PCDHGA3: variants seen among roughly 807,000 people sequenced by gnomAD.
PCDHGA3 encodes the protein protocadherin gamma-A3.
Under a neutral mutation model 58.5 loss-of-function variants are expected in PCDHGA3, and 40 were observed. The observed-to-expected ratio is 0.68, with a 90% CI of 0.53 to 0.89. PCDHGA3 has a LOEUF of 0.89. Ranked by LOEUF, PCDHGA3 falls within the 40% of genes least tolerant of loss-of-function variation. PCDHGA3 has a pLI of 0.00. For missense variants in PCDHGA3, 1,223 were observed against 1,195.9 expected (o/e 1.02, Z -0.33); for synonymous variants, 530 against 525.7 (o/e 1.01, Z -0.11).
At chr5:141,358,884 G>A (rs961371418) in intron 1 of PCDHGA3, among the ~76,000 whole-genome samples, 5 of 152,090 alleles carry the variant, frequency 3.3e-5, no homozygotes, top group Admixed American at 3.3e-4. Flanking sequence ...TGTGGCTCTG[G>A]GATTATTTTA....
intron 1 of PCDHGA3, chr5:141,411,661 C>T (rs2095505180): frequency 6.6e-6 from 1 of 150,762 alleles, no homozygotes; most frequent in African/African-American, 2.4e-5. Context: ...GGTGGAGAAT[C>T]TCTTGAGCGC....
chr5:141,431,678 T>G lies in PCDHGA3; in HGVS notation c.2425-63129T>G. The G allele has an allele frequency of 6.2e-7, 1 of 1,614,084 alleles. No homozygotes were observed. Among genetic ancestry groups the G allele is most frequent in the Non-Finnish European group, 8.5e-7 (1 of 1,180,022 alleles). On this transcript the variant is annotated intron_variant, in intron 1 of 3. Transcript: ENST00000253812. This position sits in a 1 kb window ranked among gnomAD's most constrained non-coding sequence, Gnocchi z 4.8. ...AGGGACAATATCAACAATAGGGGAGTTGGACCACGAGGAGTCAGGATTCTA... is the reference window on the plus strand; with the variant it reads ...AGGGACAATATCAACAATAGGGGAGGTGGACCACGAGGAGTCAGGATTCTA...
intron 1 of PCDHGA3, among the ~76,000 whole-genome samples, chr5:141,433,805 C>T (rs1325364387): frequency 1.3e-5 from 2 of 150,004 alleles, no homozygotes; most frequent in South Asian, 4.2e-4. Flanking sequence ...CCATTGCACT[C>T]CAGCCTGGGC....
chr5:141,384,238 G>C, intron 1 of PCDHGA3: 2 of 1,613,838 alleles, frequency 1.2e-6, no homozygotes, highest in Admixed American at 1.7e-5. Flanking sequence ...AGACACCAAC[G>C]ATAACCCACC....
At chr5:141,441,499 GCCT>G (rs1350774469) in intron 1 of PCDHGA3, 5 of 169,932 alleles carry the variant, frequency 2.9e-5, no homozygotes, top group African/African-American at 1.2e-4. Context: ...TTTCTACCAG[GCCT>G]CCTACGTCGT....
Position 141,486,271 on chromosome 5 carries a change from C to G in PCDHGA3, c.2425-8536C>G, listed in dbSNP as rs143039217. ...CCCTCCCCGAGAGTGCAGAACCTGG[C>G]ACTGTGGTGGCACTTATCAGTGTGC... On this transcript the variant is annotated intron_variant, in intron 1 of 3. Coordinates refer to ENST00000253812, the MANE Select transcript of PCDHGA3 (RefSeq NM_018916.4). The surrounding 1 kb of genome is among the most constrained non-coding windows in gnomAD (Gnocchi z 5.0). 6.2e-7 allele frequency: 1 copy of G among 1,613,968 alleles called. No homozygotes were observed. Among genetic ancestry groups the G allele is most frequent in the African/African-American group, 1.3e-5 (1 of 74,902 alleles).
intron 1 of PCDHGA3, among the ~76,000 whole-genome samples, chr5:141,406,535 G>A (rs2094820779): frequency 6.6e-6 from 1 of 152,168 alleles, no homozygotes; most frequent in South Asian, 2.1e-4. Context: ...TTCTGACGAA[G>A]ATTCAAACTT....
rs749645155 is a variant in PCDHGA3 at position 141,414,214 on chromosome 5, A to G, written c.2424+67757A>G. On this transcript the variant is annotated intron_variant, in intron 1 of 3. Transcript: ENST00000253812. ...GATTACAGTAGAAGATGTAAATGAC[A>G]ACAGTCCAGAGCTGACCATCACGTC... 6.2e-6 allele frequency: 10 copies of G among 1,613,126 alleles called. No homozygotes were observed. The South Asian group carries it at 9.9e-5, about 16-fold the overall frequency.
chr5:141,423,904 G>A, intron 1 of PCDHGA3: 2 of 1,275,052 alleles, frequency 1.6e-6, no homozygotes, highest in Middle Eastern at 3.1e-4. Flanking sequence ...TGATTTCAAA[G>A]GGGCCATTCA....
chr5:141,410,185 T>A lies in PCDHGA3; in HGVS notation c.2424+63728T>A, dbSNP rs373680185. 10 of 1,613,812 alleles carry A rather than the reference T, an allele frequency of 6.2e-6. No individual in the cohort carries two copies. The African/African-American group carries it at 1.3e-4, about 22-fold the overall frequency. On this transcript the variant is annotated intron_variant, in intron 1 of 3. Transcript: ENST00000253812. ...CACTCTCTGCCACCGCCACGCTTCA[T>A]CTGGTCTTCGCAGACAACTTGCAAG...
chr5:141,352,503 A>T, intron 1 of PCDHGA3: 1 of 1,613,992 alleles, frequency 6.2e-7, no homozygotes, highest in South Asian at 1.1e-5. Context: ...CCCTATTCCT[A>T]CAATCTATGT....
chr5:141,485,726 C>G lies in PCDHGA3; in HGVS notation c.2425-9081C>G. On this transcript the variant is annotated intron_variant, in intron 1 of 3. Transcript: ENST00000253812. The surrounding 1 kb of genome is among the most constrained non-coding windows in gnomAD (Gnocchi z 5.7). ...ACACTTTGCACTGGATGTGAAGAAG[C>G]GCAGCGACGGCAGCCTGGTCCCAGA... 2 of 1,614,140 alleles carry G rather than the reference C, an allele frequency of 1.2e-6. No individual in the cohort carries two copies. The highest frequency in any genetic ancestry group is 1.1e-5 in the South Asian group (1 of 91,082).
intron 1 of PCDHGA3, among the ~76,000 whole-genome samples, chr5:141,481,886 C>T (rs575190135): frequency 6.9e-6 from 1 of 145,360 alleles, no homozygotes; most frequent in South Asian, 2.2e-4. Context: ...TGCACTCCAG[C>T]CTGGGTGAAA....
At chr5:141,459,603 A>G (rs867387156) in intron 1 of PCDHGA3, among the ~76,000 whole-genome samples, 1 of 152,244 alleles carries the variant, frequency 6.6e-6, no homozygotes, top group Non-Finnish European at 1.5e-5. Flanking sequence ...AATGGGAAGT[A>G]TATGCTTAAC....
intron 1 of PCDHGA3, chr5:141,351,581 A>G (rs1327438256): frequency 1.2e-6 from 2 of 1,614,024 alleles, no homozygotes; most frequent in Admixed American, 1.7e-5. Context: ...CATCTCCGAC[A>G]TCAACGACAA....
chr5:141,442,227 T>G (rs953690152), intron 1 of PCDHGA3: 16 of 153,240 alleles, frequency 1.0e-4, no homozygotes, highest in African/African-American at 3.6e-4. Context: ...TTAATTTCCT[T>G]TTTATTCTTC....
chr5:141,443,136 C>T (rs910953831), intron 1 of PCDHGA3, among the ~76,000 whole-genome samples: 1 of 152,160 alleles, frequency 6.6e-6, no homozygotes, highest in African/African-American at 2.4e-5. Context: ...AGAACACTAT[C>T]ATAAGTTATA....
Position 141,403,041 on chromosome 5 carries a change from A to G in PCDHGA3, c.2424+56584A>G, listed in dbSNP as rs202099773. Reference sequence around the variant, plus strand: ...ATGCTATGGGAGGCCAGGGCCAGTCAGATTCGCTACTCAGTGCCTGAAGAG... The same window carrying G: ...ATGCTATGGGAGGCCAGGGCCAGTCGGATTCGCTACTCAGTGCCTGAAGAG... On this transcript the variant is annotated intron_variant, in intron 1 of 3. Transcript: ENST00000253812. 7.2e-5 allele frequency: 116 copies of G among 1,613,966 alleles called. No homozygotes were observed. Among genetic ancestry groups the G allele is most frequent in the Non-Finnish European group, 9.6e-5 (113 of 1,179,918 alleles).
chr5:141,399,010 G>A (rs1400790755), intron 1 of PCDHGA3: 5 of 1,613,726 alleles, frequency 3.1e-6, no homozygotes, highest in African/African-American at 1.3e-5. Flanking sequence ...TTCAAAGAGC[G>A]GAGAAATTAC....
Sources: allele counts gnomAD v4.1 joint callset (sites outside exome capture counted in the v4.1 genomes callset), GRCh38; gene constraint gnomAD v4.1.1; non-coding constraint Gnocchi (gnomAD v3.1); transcripts MANE v1.5; gene names NCBI Gene and HGNC (gene_info 2026-07-23, HGNC 2026-07-21).